The following KCNAB1 variants were observed in gnomAD, a reference collection of about 807,000 sequenced individuals.
The protein encoded by KCNAB1 is voltage-gated potassium channel subunit beta-1.
KCNAB1 carries 35 observed loss-of-function variants against 64.6 expected under a neutral mutation model. The observed-to-expected ratio is 0.54, with a 90% CI of 0.41 to 0.72. KCNAB1 has a LOEUF of 0.72. Ranked by LOEUF, KCNAB1 falls within the 30% of genes least tolerant of loss-of-function variation. The pLI is 0.00. For synonymous variants in KCNAB1, 177 were observed against 183.8 expected (o/e 0.96, Z 0.30); for missense variants, 401 against 512.9 (o/e 0.78, Z 2.11).
intron 2 of KCNAB1, among the ~76,000 whole-genome samples, chr3:156,434,856 GA>G (rs1164572161): frequency 6.6e-6 from 1 of 152,114 alleles, no homozygotes; most frequent in African/African-American, 2.4e-5. Context: ...GAATAGAAAG[GA>G]CACCCTTCCA....
chr3:156,309,610 T>C lies in KCNAB1; in HGVS notation c.276-112006T>C, dbSNP rs1172380070. ...TTAATGAGTCGAGAACAATGTTAGA[T>C]AATGTAAAGTAGATTGCCCATTAAA... On this transcript the variant is annotated intron_variant, in intron 1 of 13. Transcript: ENST00000490337. 2.6e-5 allele frequency among the ~76,000 whole-genome samples: 4 copies of C among 152,372 alleles called. No homozygotes were observed. The East Asian group carries it at 7.7e-4, about 29-fold the overall frequency.
At chr3:156,442,369 T>C (rs942064991) in intron 2 of KCNAB1, among the ~76,000 whole-genome samples, 1 of 152,194 alleles carries the variant, frequency 6.6e-6, no homozygotes, top group African/African-American at 2.4e-5. Flanking sequence ...GTTCATCCTA[T>C]TTCCAATGTC....
intron 1 of KCNAB1, among the ~76,000 whole-genome samples, chr3:156,351,463 A>T (rs903710835): frequency 6.6e-6 from 1 of 152,262 alleles, no homozygotes; most frequent in Non-Finnish European, 1.5e-5. Context: ...TTAAGGCTCC[A>T]GTTCCTCTAA....
At chr3:156,383,411 A>G (rs1712322640) in intron 1 of KCNAB1, among the ~76,000 whole-genome samples, 1 of 152,160 alleles carries the variant, frequency 6.6e-6, no homozygotes, top group Non-Finnish European at 1.5e-5. Flanking sequence ...ACCCTTTTGT[A>G]TGAGGCCTAA....
At chr3:156,287,278 C>T (rs1720144497) in intron 1 of KCNAB1, among the ~76,000 whole-genome samples, 1 of 151,012 alleles carries the variant, frequency 6.6e-6, no homozygotes, top group Admixed American at 6.6e-5. Flanking sequence ...CAAATAGGGA[C>T]CAGCTGAGAC....
chr3:156,197,321 T>TAAAATGAGTC (rs1324517154), intron 1 of KCNAB1, among the ~76,000 whole-genome samples: 1 of 152,204 alleles, frequency 6.6e-6, no homozygotes, highest in Non-Finnish European at 1.5e-5. Flanking sequence ...GCTGGCCTCA[T>TAAAATGAGTC]AAAATGAGTC....
At chr3:156,362,461 G>C (rs991878930) in intron 1 of KCNAB1, among the ~76,000 whole-genome samples, 1 of 152,188 alleles carries the variant, frequency 6.6e-6, no homozygotes, top group Non-Finnish European at 1.5e-5. Context: ...CAGGATTGCT[G>C]CAGACAAATT....
intron 1 of KCNAB1, among the ~76,000 whole-genome samples, chr3:156,310,578 C>A (rs530298319): frequency 9.9e-4 from 151 of 152,164 alleles, no homozygotes; most frequent in Non-Finnish European, 1.4e-3. Flanking sequence ...CCAAGGGGGG[C>A]AGATCACGAG....
rs370612704 is a variant in KCNAB1, at chr3:156,362,957, G to A, written c.276-58659G>A. Reference sequence around the variant, plus strand: ...ACTTTCTGAGGCATTGTCTGTGGCAGCAGGTTTTCTGGCCATGTGGAGAAG... The same window carrying A: ...ACTTTCTGAGGCATTGTCTGTGGCAACAGGTTTTCTGGCCATGTGGAGAAG... On this transcript the variant is annotated intron_variant, in intron 1 of 13. Transcript: ENST00000490337. Among the ~76,000 whole-genome samples the A allele has an allele frequency of 5.9e-5, 9 of 152,226 alleles. No homozygotes were observed. The East Asian group carries it at 9.6e-4, about 16-fold the overall frequency.
chr3:156,165,146 C>T (rs944098198), intron 1 of KCNAB1, among the ~76,000 whole-genome samples: 3 of 150,546 alleles, frequency 2.0e-5, no homozygotes, highest in Non-Finnish European at 3.0e-5. Context: ...GGCGTAGTGG[C>T]GGGCGCCTGT....
chr3:156,458,440 G>T (rs779809970), intron 4 of KCNAB1, among the ~76,000 whole-genome samples: 1 of 152,230 alleles, frequency 6.6e-6, no homozygotes, highest in Non-Finnish European at 1.5e-5. Flanking sequence ...GAACTGTGAG[G>T]TATAATCACC....
At chr3:156,127,084 C>A (rs76576859) in intron 1 of KCNAB1, among the ~76,000 whole-genome samples, 1,912 of 152,276 alleles carry the variant, frequency 0.013, 22 homozygotes, top group South Asian at 0.022. Flanking sequence ...TGTAAATCAT[C>A]TGGTGTAGAT....
intron 7 of KCNAB1, among the ~76,000 whole-genome samples, chr3:156,467,853 C>T (rs1272900659): frequency 1.3e-5 from 2 of 151,960 alleles, no homozygotes; most frequent in Non-Finnish European, 1.5e-5. Flanking sequence ...AGGAATATGC[C>T]ATCCTGTTAG....
chr3:156,355,364 C>G lies in KCNAB1; in HGVS notation c.276-66252C>G, dbSNP rs1725163017. ...TCAGTCTAACAAGCATAAGTGCTTGCAAGTCCTCTGAGAGAAAAGTCACAG... is the reference window on the plus strand; with the variant it reads ...TCAGTCTAACAAGCATAAGTGCTTGGAAGTCCTCTGAGAGAAAAGTCACAG... On this transcript the variant is annotated intron_variant, in intron 1 of 13. Coordinates refer to ENST00000490337, the MANE Select transcript of KCNAB1 (RefSeq NM_172160.3). 3.9e-5 allele frequency among the ~76,000 whole-genome samples: 6 copies of G among 152,158 alleles called. 1 individual carries two copies. The highest frequency in any genetic ancestry group is 3.9e-4 in the Admixed American group (6 of 15,276).
intron 1 of KCNAB1, among the ~76,000 whole-genome samples, chr3:156,193,946 A>T (rs1229851254): frequency 6.6e-6 from 1 of 152,118 alleles, no homozygotes; most frequent in African/African-American, 2.4e-5. Context: ...AAGCATTCAT[A>T]TATCTTTAAT....
intron 1 of KCNAB1, among the ~76,000 whole-genome samples, chr3:156,383,114 G>T (rs1280455701): frequency 1.3e-5 from 2 of 152,226 alleles, no homozygotes; most frequent in African/African-American, 2.4e-5. Flanking sequence ...GTCTTTCTGA[G>T]AGCTGCTCTT....
chr3:156,258,803 C>G (rs902267334), intron 1 of KCNAB1, among the ~76,000 whole-genome samples: 1 of 152,178 alleles, frequency 6.6e-6, no homozygotes, highest in African/African-American at 2.4e-5. Flanking sequence ...CCCCTTCCCC[C>G]ACATGGAAGA....
At chr3:156,301,774 TG>T (rs1721171183) in intron 1 of KCNAB1, among the ~76,000 whole-genome samples, 1 of 152,220 alleles carries the variant, frequency 6.6e-6, no homozygotes, top group Non-Finnish European at 1.5e-5. Flanking sequence ...AGTGGACATT[TG>T]CCAGAGAACT....
At chr3:156,429,727 C>T (rs896128146) in intron 2 of KCNAB1, among the ~76,000 whole-genome samples, 4 of 152,132 alleles carry the variant, frequency 2.6e-5, no homozygotes, top group Non-Finnish European at 4.4e-5. Context: ...AGCTAGCTCA[C>T]CTATTATAAC....
Sources: allele counts gnomAD v4.1 joint callset (sites outside exome capture counted in the v4.1 genomes callset), GRCh38; gene constraint gnomAD v4.1.1; transcripts MANE v1.5; gene names NCBI Gene and HGNC (gene_info 2026-07-23, HGNC 2026-07-21).